Variants in ADK observed in about 807,000 individuals in gnomAD.
ADK encodes the protein N6,N6-dimethyladenosine kinase.
ADK carries 24 observed loss-of-function variants against 44.7 expected under a neutral mutation model. The observed-to-expected ratio is 0.54, with a 90% CI of 0.39 to 0.76. The LOEUF (loss-of-function observed/expected upper bound fraction) is 0.76, where lower values mean the gene tolerates loss of function less well. Ranked by LOEUF, ADK falls within the 30% of genes least tolerant of loss-of-function variation. ADK has a pLI of 0.00. For synonymous variants in ADK, 128 were observed against 142.6 expected (o/e 0.90, Z 0.73); for missense variants, 321 against 425.1 (o/e 0.76, Z 2.15).
intron 2 of ADK, among the ~76,000 whole-genome samples, chr10:74,210,330 G>GAAAAAAAAA (rs57852507): frequency 1.6e-3 from 138 of 84,504 alleles, no homozygotes; most frequent in Non-Finnish European, 2.2e-3. Flanking sequence ...TCCATCTCAG[G>GAAAAAAAAA]AAAAAAAAAA....
At chr10:74,234,214 T>G (rs983164519) in intron 3 of ADK, among the ~76,000 whole-genome samples, 1 of 152,224 alleles carries the variant, frequency 6.6e-6, no homozygotes, top group Non-Finnish European at 1.5e-5. Flanking sequence ...GAAAACTCTA[T>G]GTTGATTTCT....
intron 4 of ADK, among the ~76,000 whole-genome samples, chr10:74,323,833 G>A (rs920843621): frequency 2.0e-5 from 3 of 152,094 alleles, no homozygotes; most frequent in Non-Finnish European, 4.4e-5. Flanking sequence ...GCCTCCCAAA[G>A]TGCTGGGATT....
intron 6 of ADK, among the ~76,000 whole-genome samples, chr10:74,461,207 A>G (rs1430231884): frequency 3.3e-5 from 5 of 152,074 alleles, no homozygotes; most frequent in Non-Finnish European, 1.5e-5. Context: ...GCTGCTAGAC[A>G]TTTGTTCCTT....
At chr10:74,151,438 C>T (rs1841583360) in intron 1 of ADK, 95 bp downstream of exon 1, 12 of 1,359,104 alleles carry the variant, frequency 8.8e-6, no homozygotes, top group African/African-American at 2.9e-5. Flanking sequence ...GGTGGTGTCT[C>T]TCACTGCCAG....
intron 7 of ADK, among the ~76,000 whole-genome samples, chr10:74,547,481 ATTAT>A (rs1564785917): frequency 3.0e-4 from 33 of 108,808 alleles, no homozygotes; most frequent in Middle Eastern, 0.011. Context: ...TTTTTATTTT[ATTAT>A]TTTTTTTTTT....
At chr10:74,588,928 G>A (rs1354752991) in intron 7 of ADK, among the ~76,000 whole-genome samples, 1 of 152,134 alleles carries the variant, frequency 6.6e-6, no homozygotes, top group Admixed American at 6.5e-5. Flanking sequence ...CTACATAAGA[G>A]CTTTTTGAGA....
intron 10 of ADK, among the ~76,000 whole-genome samples, chr10:74,700,409 A>C (rs1856378438): frequency 6.6e-6 from 1 of 152,016 alleles, no homozygotes; most frequent in African/African-American, 2.4e-5. Flanking sequence ...CACCCGGCTA[A>C]TTTTTGTATT....
chr10:74,682,578 T>TTC (rs200688634), intron 10 of ADK, among the ~76,000 whole-genome samples: 2 of 140,166 alleles, frequency 1.4e-5, no homozygotes, highest in Non-Finnish European at 3.1e-5. Flanking sequence ...TTCTTTTCTT[T>TTC]TTTTTTTTTT....
intron 4 of ADK, among the ~76,000 whole-genome samples, chr10:74,386,123 A>T (rs539123434): frequency 6.6e-6 from 1 of 152,196 alleles, no homozygotes; most frequent in South Asian, 2.1e-4. Context: ...GATATATGCT[A>T]TTTTCCTTAT....
intron 2 of ADK, among the ~76,000 whole-genome samples, chr10:74,212,042 C>T (rs1414037189): frequency 1.3e-5 from 2 of 152,122 alleles, no homozygotes; most frequent in Non-Finnish European, 2.9e-5. Context: ...CTTCAAAATT[C>T]TAAATTCTTA....
intron 4 of ADK, among the ~76,000 whole-genome samples, chr10:74,367,069 TC>T (rs1368574661): frequency 1.6e-4 from 25 of 152,248 alleles, no homozygotes; most frequent in Non-Finnish European, 5.9e-5. Flanking sequence ...TTCTGTAGAT[TC>T]TTTAGTACTC....
At chr10:74,182,559 G>A (rs1234725531) in intron 1 of ADK, among the ~76,000 whole-genome samples, 2 of 151,980 alleles carry the variant, frequency 1.3e-5, no homozygotes, top group African/African-American at 4.8e-5. Flanking sequence ...AGTAGAGATG[G>A]GGTTTCATCG....
intron 6 of ADK, among the ~76,000 whole-genome samples, chr10:74,446,671 A>T (rs1424767252): frequency 1.3e-5 from 2 of 152,172 alleles, no homozygotes; most frequent in African/African-American, 4.8e-5. Flanking sequence ...CATACAGTGA[A>T]TGAAATATAG....
intron 6 of ADK, among the ~76,000 whole-genome samples, chr10:74,475,547 T>TA (rs5786147): frequency 4.7e-5 from 7 of 150,236 alleles, no homozygotes; most frequent in South Asian, 4.2e-4. Context: ...CCCCATCTCT[T>TA]AAAAAAAAAA....
chr10:74,515,950 GC>G, intron 6 of ADK, among the ~76,000 whole-genome samples: 1 of 152,284 alleles, frequency 6.6e-6, no homozygotes, highest in Middle Eastern at 3.4e-3. Context: ...TGAAGATGGA[GC>G]CCCAGTTCTG....
At chr10:74,202,041 T>C (rs10824107) in intron 2 of ADK, among the ~76,000 whole-genome samples, 76,377 of 151,906 alleles carry the variant, frequency 0.5, 20,289 homozygotes, top group Non-Finnish European at 0.59. Context: ...ATTCAGGACA[T>C]TTTCATCACC....
chr10:74,502,889 A>T (rs187459713), intron 6 of ADK, among the ~76,000 whole-genome samples: 1 of 152,270 alleles, frequency 6.6e-6, no homozygotes, highest in Admixed American at 6.5e-5. Context: ...ACTTTAGGAA[A>T]TGTAATTATA....
In ADK at chr10:74,394,226, C is replaced by T. The variant is rs1370625492; in HGVS notation, c.359C>T (p.Ala120Val). 3.1e-6 allele frequency: 5 copies of T among 1,613,958 alleles called. No homozygotes were observed. Among genetic ancestry groups the T allele is most frequent in the Non-Finnish European group, 4.2e-6 (5 of 1,179,974 alleles). ...DKFGEILKRK[A>V]AEAHVDAHYY... ...TTTGGGGAGATCCTGAAGAGAAAAG[C>T]TGCTGAAGCCCATGTGGATGCTCAT... The change falls in exon 5 of 11, where the codon GCT becomes GTT. Residue 120 changes from alanine (A) to valine (V), a missense_variant. Ala to Val is a moderately conservative substitution (Grantham distance 64). Coordinates refer to ENST00000539909, the MANE Select transcript of ADK (RefSeq NM_006721.4).
At chr10:74,491,403 C>T (rs74146369) in intron 6 of ADK, among the ~76,000 whole-genome samples, 12 of 152,206 alleles carry the variant, frequency 7.9e-5, no homozygotes, top group East Asian at 3.9e-4. Flanking sequence ...TCACTATGTT[C>T]GGCTTTAATT....
Sources: gnomAD v4.1 joint callset for allele counts (sites outside exome capture counted in the v4.1 genomes callset) on GRCh38, gnomAD v4.1.1 for gene constraint, MANE v1.5 for transcripts, NCBI Gene and HGNC (gene_info 2026-07-23, HGNC 2026-07-21) for gene names.